The following PSD variants were observed in gnomAD, a reference collection of about 807,000 sequenced individuals.
PSD encodes the protein PH and SEC7 domain-containing protein 1.
A neutral mutation model predicts 91.6 loss-of-function variants in PSD; 32 were observed. The observed-to-expected ratio is 0.35, with a 90% confidence interval of 0.26 to 0.47. The LOEUF (loss-of-function observed/expected upper bound fraction) is 0.47. PSD is among the 20% of genes least tolerant of loss of function. PSD has a pLI of 1.00. For synonymous variants in PSD, 532 were observed against 569.3 expected (o/e 0.93, Z 0.93); for missense variants, 1,099 against 1,373.9 (o/e 0.80, Z 3.16).
In PSD at chr10:102,411,190, A is replaced by G. The variant is rs1158461666; in HGVS notation, c.1943-74T>C. The G allele has an allele frequency of 4.9e-6, 7 of 1,433,756 alleles. No individual in the cohort carries two copies. In the East Asian group the frequency reaches 1.6e-4, roughly 33 times the overall value. The allele number at this position is 1,433,756 out of a possible 1,614,324, so 88.8% of individuals were successfully genotyped here. On this transcript the variant is annotated intron_variant, in intron 8 of 16. Coordinates refer to ENST00000020673, the MANE Select transcript of PSD (RefSeq NM_002779.5). ...CCACAGCCATCTTCCCCAACCTCCC[A>G]TTTCATCCCCACCCCCTTTGGCCGG...
In PSD at chr10:102,404,525, G is replaced by A. The variant is rs1160406034; in HGVS notation, c.2700+58C>T. On this transcript the variant is annotated intron_variant, in intron 15 of 16. Coordinates refer to ENST00000020673, the MANE Select transcript of PSD (RefSeq NM_002779.5). This position sits in a 1 kb window ranked among gnomAD's most constrained non-coding sequence, Gnocchi z 5.7. The stretch of plus-strand genomic sequence containing the variant: ...CACACGCAGCAGCCTTGAGTGCAGT[G>A]GGCCTGAGCCTAACACCCTCCATCC... 4.5e-5 allele frequency: 71 copies of A among 1,564,044 alleles called. 1 individual carries two copies. Among genetic ancestry groups the A allele is most frequent in the Non-Finnish European group, 6.0e-5 (69 of 1,153,718 alleles).
In PSD at chr10:102,414,745, C is replaced by G. The variant is rs1029214609; in HGVS notation, c.1124+118G>C. ...AGAATCTCCTGCTATACACACTGCC[C>G]CGCCAGCCCCACACCCATCTCTATC... On this transcript the variant is annotated intron_variant, in intron 4 of 16. Coordinates refer to ENST00000020673, the MANE Select transcript of PSD (RefSeq NM_002779.5). The surrounding 1 kb of genome is among the most constrained non-coding windows in gnomAD (Gnocchi z 5.6). The G allele has an allele frequency of 6.4e-5, 86 of 1,345,002 alleles. No individual in the cohort carries two copies. The highest frequency in any genetic ancestry group is 7.5e-5 in the Non-Finnish European group (76 of 1,014,146). 83.3% of individuals were successfully genotyped at this position (1,345,002 alleles called of 1,614,324 possible). A position where few individuals can be genotyped will look rare whatever the true frequency, so the allele number is the denominator to read the frequency against.
chr10:102,410,738 G>T lies in PSD; in HGVS notation c.2091+120C>A. The stretch of plus-strand genomic sequence containing the variant: ...CTGAGTCACGAGAGCCCGGGCTTCC[G>T]TGGCAGGAGCCGGGGGTCGGCAAGC... On this transcript the variant is annotated intron_variant, in intron 10 of 16. Transcript: ENST00000020673. This position sits in a 1 kb window ranked among gnomAD's most constrained non-coding sequence, Gnocchi z 6.0. The T allele has an allele frequency of 1.2e-6, 1 of 808,534 alleles. No homozygotes were observed. The highest frequency in any genetic ancestry group is 2.1e-6 in the Non-Finnish European group (1 of 475,164). The allele number at this position is 808,534 out of a possible 1,614,324, so 50.1% of individuals were successfully genotyped here.
In PSD at chr10:102,405,047, G is replaced by A. The variant is rs202117553; in HGVS notation, c.2406C>T (p.Tyr802=). 24 of 1,613,976 alleles carry A rather than the reference G, an allele frequency of 1.5e-5. No homozygotes were observed. In the East Asian group the frequency reaches 4.5e-4, roughly 30 times the overall value. ...GMILYLQKEE[Y]KPGKALSETE... ...TCTCTGAAAGGGCCTTCCCAGGCTTGTACTCCTCCTGCAGGGGTGTCCATC... is the reference window on the plus strand; with the variant it reads ...TCTCTGAAAGGGCCTTCCCAGGCTTATACTCCTCCTGCAGGGGTGTCCATC... Residue 802 remains tyrosine (Y), a synonymous_variant, in exon 14 of 17, where the codon TAC becomes TAT. Transcript: ENST00000020673. The surrounding 1 kb of genome is among the most constrained non-coding windows in gnomAD (Gnocchi z 5.4).
At position 102,415,190 on chromosome 10, in the gene PSD, C is replaced by G. The variant is rs1350554124; in HGVS notation, c.797G>C (p.Gly266Ala). 3.7e-6 allele frequency: 6 copies of G among 1,612,428 alleles called. No individual in the cohort carries two copies. Among genetic ancestry groups the G allele is most frequent in the Non-Finnish European group, 5.1e-6 (6 of 1,179,448 alleles). ...PPEQAPPSPP[G>A]VGSRQGSGVA... ...CCCAGAGCCCTGCCTTGAGCCCACCCCAGGTGGAGATGGGGGGGCCTGCTC... is the reference window on the plus strand; with the variant it reads ...CCCAGAGCCCTGCCTTGAGCCCACCGCAGGTGGAGATGGGGGGGCCTGCTC... The change falls in exon 4 of 17, where the codon GGG becomes GCG. Residue 266 changes from glycine to alanine, a missense_variant. Physicochemically the swap from Gly to Ala is moderately conservative, Grantham distance 60. This residue lies in a region of PSD where 631 missense variants were observed against 728.8 expected (regional missense o/e 0.87). Transcript: ENST00000020673.
At chr10:102,407,871 C>T (rs192476725) in intron 10 of PSD, among the ~76,000 whole-genome samples, 25 of 152,262 alleles carry the variant, frequency 1.6e-4, no homozygotes, top group African/African-American at 5.1e-4. Context: ...GGTGGTCCAA[C>T]GCCCTGCCCA....
At chr10:102,417,580 G>T (rs1276266671) in intron 1 of PSD, among the ~76,000 whole-genome samples, 2 of 152,156 alleles carry the variant, frequency 1.3e-5, no homozygotes, top group Non-Finnish European at 2.9e-5. Flanking sequence ...GAAGGAGAGG[G>T]AAGAGGAACA....
rs1425876312 is a variant in PSD, at chr10:102,416,673, GC to G, written c.365del (p.Gly122AlafsTer2). 1 of 1,609,832 alleles carries G rather than the reference GC, an allele frequency of 6.2e-7. No homozygotes were observed. The highest frequency in any genetic ancestry group is 8.5e-7 in the Non-Finnish European group (1 of 1,178,300). The stretch of plus-strand genomic sequence containing the variant: ...CACCCAGATCCCAGCTCCGACTCAA[GC>G]CCCCTGGAGCAGGTAGCCCATTCAG... Reference protein sequence around the residue: ...RPLNGLPAPGGLSRSWDLGGV... With the variant: ...RPLNGLPAPGXLSRSWDLGGV... On this transcript the variant is annotated frameshift_variant, in exon 2 of 17. Coordinates refer to ENST00000020673, the MANE Select transcript of PSD (RefSeq NM_002779.5). LOFTEE classifies it high-confidence loss of function. The surrounding 1 kb of genome is among the most constrained non-coding windows in gnomAD (Gnocchi z 6.0).
chr10:102,412,630 G>C, intron 5 of PSD, 55 bp from the exon 6 acceptor site: 2 of 1,494,250 alleles, frequency 1.3e-6, no homozygotes, highest in Non-Finnish European at 1.8e-6. Flanking sequence ...GAGCCATCCA[G>C]ACCCTCCTTC....
chr10:102,406,665 G>A (rs1039717356), intron 11 of PSD, among the ~76,000 whole-genome samples: 7 of 152,108 alleles, frequency 4.6e-5, no homozygotes, highest in African/African-American at 9.7e-5. Flanking sequence ...GTGCCACCAC[G>A]CCCGGCTAAT....
In PSD at chr10:102,403,812, G is replaced by A. The variant is rs11191283; in HGVS notation, c.2844+30C>T. 0.33 allele frequency: 524,272 copies of A among 1,599,232 alleles called. 90,025 individuals carry two copies. Among genetic ancestry groups the A allele is most frequent in the South Asian group, 0.45 (40,326 of 89,164 alleles). ...TTCACCCTAGTATGGGCCTGCGTGTGTGGACAGAGGGGCAGACAGGGAGGC... is the reference window on the plus strand; with the variant it reads ...TTCACCCTAGTATGGGCCTGCGTGTATGGACAGAGGGGCAGACAGGGAGGC... On this transcript the variant is annotated intron_variant, in intron 16 of 16. Transcript: ENST00000020673. This position sits in a 1 kb window ranked among gnomAD's most constrained non-coding sequence, Gnocchi z 6.7.
At chr10:102,418,330 C>T (rs901409296) in intron 1 of PSD, among the ~76,000 whole-genome samples, 2 of 152,118 alleles carry the variant, frequency 1.3e-5, no homozygotes, top group African/African-American at 4.8e-5. Context: ...AGCTGTCATT[C>T]TCCAGTGCAC....
Position 102,403,238 on chromosome 10 carries a change from G to A in PSD, c.3037C>T (p.Pro1013Ser), listed in dbSNP as rs1565217183. 1 of 1,599,462 alleles carries A rather than the reference G, an allele frequency of 6.3e-7. No homozygotes were observed. Among genetic ancestry groups the A allele is most frequent in the Non-Finnish European group, 8.5e-7 (1 of 1,170,754 alleles). The stretch of plus-strand genomic sequence containing the variant: ...CGCCCACTGCCTGCCCCTGGCCGAG[G>A]CTCTGAGCTGTGACGCTGAGCCCGG... Reference protein sequence around the residue: ...QPRAQRHSSEPRPGAGSGRRK... With the variant: ...QPRAQRHSSESRPGAGSGRRK... The change falls in exon 17 of 17, where the codon CCT becomes TCT. Residue 1013 changes from proline to serine, a missense_variant. Pro to Ser is a moderately conservative substitution (Grantham distance 74, BLOSUM62 -1). Around this residue, in one of 3 missense-constraint regions of PSD, gnomAD observed 358 missense variants for 426.5 expected, o/e 0.84. Coordinates refer to ENST00000020673, the MANE Select transcript of PSD (RefSeq NM_002779.5). The surrounding 1 kb of genome is among the most constrained non-coding windows in gnomAD (Gnocchi z 6.7).
chr10:102,407,352 T>G, intron 10 of PSD, 86 bp from the exon 11 acceptor site: 1 of 889,954 alleles, frequency 1.1e-6, no homozygotes, highest in Non-Finnish European at 1.6e-6. Flanking sequence ...ACTTGAGAGA[T>G]GAGCCAGAAC....
Position 102,405,173 on chromosome 10 carries a change from G to A in PSD, c.2397+10C>T, listed in dbSNP as rs751491137. The stretch of plus-strand genomic sequence containing the variant: ...AGTCCCAGCCCCAGCCCCCTGGCCT[G>A]ACCCCGCACCTTCTGCAGGTAGAGG... On this transcript the variant is annotated intron_variant, in intron 13 of 16. Transcript: ENST00000020673. This position sits in a 1 kb window ranked among gnomAD's most constrained non-coding sequence, Gnocchi z 5.4. 1 of 1,610,642 alleles carries A rather than the reference G, an allele frequency of 6.2e-7. No individual in the cohort carries two copies. The highest frequency in any genetic ancestry group is 8.5e-7 in the Non-Finnish European group (1 of 1,179,744).
At chr10:102,407,080 A>G in intron 11 of PSD, 143 bp downstream of exon 11, 1 of 639,514 alleles carries the variant, frequency 1.6e-6, no homozygotes, top group Non-Finnish European at 2.5e-6. Context: ...CAAAGAAGGA[A>G]GTGAGGCAGC....
chr10:102,416,823 G>C lies in PSD; in HGVS notation c.216C>G (p.Gly72=), dbSNP rs775475621. The part of the protein sequence containing the change: ...RVTAPCTPLR[G]PPSPRVAPSP... ...AGGGAGCAACACGGGGTGAGGGGGG[G>C]CCACGCAGAGGTGTACAGGGTGCTG... Residue 72 remains glycine (G), a synonymous_variant, in exon 2 of 17, where the codon GGC becomes GGG. Transcript: ENST00000020673. The surrounding 1 kb of genome is among the most constrained non-coding windows in gnomAD (Gnocchi z 6.0). The C allele has an allele frequency of 6.3e-7, 1 of 1,598,130 alleles. No individual in the cohort carries two copies. The highest frequency in any genetic ancestry group is 1.7e-5 in the Admixed American group (1 of 58,716).
At chr10:102,413,656 T>C in intron 5 of PSD, 113 bp downstream of exon 5, 1 of 1,103,486 alleles carries the variant, frequency 9.1e-7, no homozygotes, top group Non-Finnish European at 1.3e-6. Context: ...TAACCACCCC[T>C]ACTCAGGGGT....
chr10:102,411,394 C>T (rs1211584838), intron 8 of PSD, among the ~76,000 whole-genome samples: 1 of 152,132 alleles, frequency 6.6e-6, no homozygotes, highest in East Asian at 1.9e-4. Flanking sequence ...GAAAGTGAAC[C>T]GCAGCACAGT....
Sources: gnomAD v4.1 joint callset for allele counts (sites outside exome capture counted in the v4.1 genomes callset) on GRCh38, gnomAD v4.1.1 for gene constraint, gnomAD v4.1.1 regional missense constraint, Gnocchi (gnomAD v3.1) non-coding constraint, MANE v1.5 for transcripts, NCBI Gene and HGNC (gene_info 2026-07-23, HGNC 2026-07-21) for gene names.